Variants in SAMD3 observed in about 807,000 individuals in gnomAD.
The protein encoded by SAMD3 is sterile alpha motif domain containing 3.
In SAMD3, 63 loss-of-function variants were observed where a neutral mutation model predicts 58.5. The ratio of observed to expected loss-of-function variants is 1.08; its 90% CI spans 0.88 to 1.33. The LOEUF (loss-of-function observed/expected upper bound fraction) is 1.33, where lower values mean the gene tolerates loss of function less well. Ranked by LOEUF, SAMD3 falls within the 40% of genes most tolerant of loss-of-function variation. SAMD3 has a pLI of 0.00. For missense variants in SAMD3, 604 were observed against 608.4 expected (o/e 0.99, Z 0.08); for synonymous variants, 220 against 210.3 (o/e 1.05, Z -0.40).
At chr6:130,279,252 A>G (rs1298710732) in intron 2 of SAMD3, among the ~76,000 whole-genome samples, 1 of 152,084 alleles carries the variant, frequency 6.6e-6, no homozygotes, top group Non-Finnish European at 1.5e-5. Flanking sequence ...TATAATCCCC[A>G]TGTGTCATGA....
chr6:130,259,122 A>G (rs1295522683), intron 2 of SAMD3, among the ~76,000 whole-genome samples: 2 of 152,188 alleles, frequency 1.3e-5, no homozygotes, highest in East Asian at 1.9e-4. Flanking sequence ...TACTTTCCCA[A>G]AGGTTTTCTA....
intron 8 of SAMD3, among the ~76,000 whole-genome samples, chr6:130,170,103 C>A (rs1045824035): frequency 6.6e-6 from 1 of 152,198 alleles, no homozygotes; most frequent in African/African-American, 2.4e-5. Context: ...AATAGGTACA[C>A]ATGTACCATG....
At chr6:130,237,420 A>G (rs1773200529) in intron 2 of SAMD3, among the ~76,000 whole-genome samples, 1 of 152,154 alleles carries the variant, frequency 6.6e-6, no homozygotes, top group Non-Finnish European at 1.5e-5. Flanking sequence ...TGTACTTGGT[A>G]CATTTTGAAT....
chr6:130,336,573 A>C (rs4897413), intron 1 of SAMD3, among the ~76,000 whole-genome samples: 69,876 of 152,108 alleles, frequency 0.46, 18,939 homozygotes, highest in African/African-American at 0.76. Flanking sequence ...ATAAGAGTGA[A>C]ACCTAAGCAA....
intron 2 of SAMD3, among the ~76,000 whole-genome samples, chr6:130,295,848 T>C (rs1247646662): frequency 6.6e-6 from 1 of 152,194 alleles, no homozygotes; most frequent in African/African-American, 2.4e-5. Flanking sequence ...CCTGCCCTTC[T>C]TGACCCTAGG....
intron 2 of SAMD3, among the ~76,000 whole-genome samples, chr6:130,263,309 C>T (rs1774209055): frequency 6.6e-6 from 1 of 152,064 alleles, no homozygotes; most frequent in Non-Finnish European, 1.5e-5. Context: ...CTTTCCTTTC[C>T]CTCAAAAACT....
chr6:130,355,013 G>T (rs1222861880), intron 1 of SAMD3, among the ~76,000 whole-genome samples: 1 of 152,154 alleles, frequency 6.6e-6, no homozygotes, highest in Non-Finnish European at 1.5e-5. Flanking sequence ...TATCTTTAAA[G>T]ACTCTGACCT....
intron 2 of SAMD3, among the ~76,000 whole-genome samples, chr6:130,242,202 A>G (rs993225653): frequency 6.6e-6 from 1 of 151,754 alleles, no homozygotes; most frequent in Non-Finnish European, 1.5e-5. Context: ...TAGGTTGGCA[A>G]TTTTTTTTTC....
At chr6:130,192,538 C>T (rs899835441) in intron 5 of SAMD3, among the ~76,000 whole-genome samples, 1 of 152,096 alleles carries the variant, frequency 6.6e-6, no homozygotes, top group African/African-American at 2.4e-5. Context: ...TCCTGCCCAC[C>T]AGAGAACAAC....
At chr6:130,260,208 C>T (rs917705481) in intron 2 of SAMD3, among the ~76,000 whole-genome samples, 3 of 152,190 alleles carry the variant, frequency 2.0e-5, no homozygotes, top group African/African-American at 7.2e-5. Context: ...AGCCCGGTGC[C>T]TAGGAACCAG....
intron 2 of SAMD3, among the ~76,000 whole-genome samples, chr6:130,278,436 G>A (rs1057034646): frequency 4.6e-5 from 7 of 152,180 alleles, no homozygotes; most frequent in South Asian, 2.1e-4. Flanking sequence ...CTCTGTCTAG[G>A]CAGTGGGCAA....
intron 1 of SAMD3, among the ~76,000 whole-genome samples, chr6:130,351,664 T>C (rs993644049): frequency 5.3e-5 from 8 of 151,144 alleles, no homozygotes; most frequent in Non-Finnish European, 1.2e-4. Flanking sequence ...TGGAAGTCAA[T>C]GTGATCTAGA....
intron 5 of SAMD3, among the ~76,000 whole-genome samples, chr6:130,196,436 TCCA>T (rs1004497592): frequency 2.6e-5 from 4 of 152,210 alleles, no homozygotes; most frequent in Non-Finnish European, 5.9e-5. Flanking sequence ...ATCTCTCTGA[TCCA>T]CCTGACGTTC....
In SAMD3 at chr6:130,268,636, T is replaced by TA. The variant is rs1774446362; in HGVS notation, c.-188+44341dup. On this transcript the variant is annotated intron_variant, in intron 2 of 13. Coordinates refer to the SAMD3 transcript ENST00000368134. ...TACTTTTTCTGTTTAGATACATACT[T>TA]ACCATTGTGTTACAATTGCTGATAA... Among the ~76,000 whole-genome samples the TA allele has an allele frequency of 2.0e-5, 3 of 152,296 alleles. No homozygotes were observed. In the South Asian group the frequency reaches 6.2e-4, roughly 32 times the overall value.
At chr6:130,301,015 T>C (rs1300604423) in intron 2 of SAMD3, among the ~76,000 whole-genome samples, 1 of 152,070 alleles carries the variant, frequency 6.6e-6, no homozygotes, top group African/African-American at 2.4e-5. Context: ...TTCCCCGCCC[T>C]GTGTCCACGT....
intron 1 of SAMD3, among the ~76,000 whole-genome samples, chr6:130,355,760 AAG>A (rs1777811130): frequency 6.6e-6 from 1 of 152,188 alleles, no homozygotes. Flanking sequence ...AAGCACCAGT[AAG>A]AGGGGTCAGA....
At chr6:130,163,521 C>A (rs925118481) in intron 8 of SAMD3, among the ~76,000 whole-genome samples, 3 of 152,138 alleles carry the variant, frequency 2.0e-5, no homozygotes, top group Non-Finnish European at 4.4e-5. Flanking sequence ...TGCAACCTTG[C>A]CCCATGTTTC....
intron 1 of SAMD3, among the ~76,000 whole-genome samples, chr6:130,352,590 G>T (rs2115037542): frequency 6.6e-6 from 1 of 152,334 alleles, no homozygotes. Context: ...AGCTCATTGT[G>T]TAGCTGCACT....
At chr6:130,348,477 A>G (rs952755676) in intron 1 of SAMD3, among the ~76,000 whole-genome samples, 5 of 152,022 alleles carry the variant, frequency 3.3e-5, no homozygotes, top group Non-Finnish European at 5.9e-5. Flanking sequence ...AAAAGAGACA[A>G]AGAAGGCCAT....
Sources: gnomAD v4.1 joint callset for allele counts (sites outside exome capture counted in the v4.1 genomes callset) on GRCh38, gnomAD v4.1.1 for gene constraint, MANE v1.5 for transcripts, NCBI Gene and HGNC (gene_info 2026-07-23, HGNC 2026-07-21) for gene names.